The following NDRG1 variants were observed in gnomAD, a reference collection of about 807,000 sequenced individuals.
The protein encoded by NDRG1 is protein NDRG1.
Under a neutral mutation model 56.9 loss-of-function variants are expected in NDRG1, and 32 were observed. The observed-to-expected ratio is 0.56, with a 90% CI of 0.42 to 0.76. The LOEUF is 0.76. NDRG1 is among the 30% of genes least tolerant of loss of function. The pLI is 0.00. For missense variants in NDRG1, 507 were observed against 545.7 expected, an observed-to-expected ratio of 0.93 and a Z score of 0.71; for synonymous variants, 211 against 204.1, an observed-to-expected ratio of 1.03 and a Z score of -0.29.
chr8:133,244,652 T>G, intron 13 of NDRG1: 7 of 573,918 alleles, frequency 1.2e-5, no homozygotes, highest in East Asian at 3.0e-5. Context: ...TTTCACTCCA[T>G]TCCCCAAGAA....
Position 133,238,884 on chromosome 8 carries a change from G to A in NDRG1, c.1179C>T (p.Ser393=), listed in dbSNP as rs1429388363. 6.4e-7 allele frequency: 1 copy of A among 1,554,576 alleles called. No individual in the cohort carries two copies. Among genetic ancestry groups the A allele is most frequent in the Non-Finnish European group, 8.7e-7 (1 of 1,150,276 alleles). ...CGGCAGCTGGGCAGGCCGCCTAGCA[G>A]GAGACCTCCATGGACTTGGGCCCGG... ...NSAGPKSMEV[S]C is the part of the protein sequence containing the mutation. Residue 393 remains serine, a synonymous_variant, in exon 16 of 16, where the codon TCC becomes TCT. Coordinates refer to ENST00000323851, the MANE Select transcript of NDRG1 (RefSeq NM_006096.4).
chr8:133,287,172 T>TA (rs1387409746), intron 1 of NDRG1, among the ~76,000 whole-genome samples: 2 of 152,194 alleles, frequency 1.3e-5, no homozygotes, highest in Non-Finnish European at 2.9e-5. Flanking sequence ...ATAAAAATGT[T>TA]AAAAAATAAA....
In NDRG1 at chr8:133,266,846, G is replaced by A. The variant is rs142329281; in HGVS notation, c.100-2194C>T. Among the ~76,000 whole-genome samples, 482 of 152,338 alleles carry A rather than the reference G, an allele frequency of 3.2e-3. 3 individuals carry two copies. The highest frequency in any genetic ancestry group is 0.01 in the Middle Eastern group (3 of 294). ...AGTTCCTCTGGGTCCTCTGAGAAAG[G>A]AGAAAGAGGATTTAACCCACTGGGG... On this transcript the variant is annotated intron_variant, in intron 3 of 15. Coordinates refer to ENST00000323851, the MANE Select transcript of NDRG1 (RefSeq NM_006096.4).
chr8:133,262,724 T>G (rs1856721018), intron 4 of NDRG1, among the ~76,000 whole-genome samples: 1 of 152,214 alleles, frequency 6.6e-6, no homozygotes, highest in Non-Finnish European at 1.5e-5. Context: ...CTAGACGGTA[T>G]ATCCCAAGCT....
At position 133,275,442 on chromosome 8, in the gene NDRG1, T is replaced by C. The variant is rs569311707; in HGVS notation, c.99+4790A>G. On this transcript the variant is annotated intron_variant, in intron 3 of 15. Coordinates refer to ENST00000323851, the MANE Select transcript of NDRG1 (RefSeq NM_006096.4). ...GCCCTTGGAAATTTCAGAATTCAGATCAGAAAGGCCTTTGCTTGTGCTGTT... is the reference window on the plus strand; with the variant it reads ...GCCCTTGGAAATTTCAGAATTCAGACCAGAAAGGCCTTTGCTTGTGCTGTT... Among the ~76,000 whole-genome samples the C allele has an allele frequency of 4.6e-5, 7 of 152,246 alleles. No individual in the cohort carries two copies. The South Asian group carries it at 8.3e-4, about 18-fold the overall frequency.
chr8:133,283,794 C>T (rs1485726558), intron 2 of NDRG1, among the ~76,000 whole-genome samples: 3 of 152,212 alleles, frequency 2.0e-5, no homozygotes, highest in Non-Finnish European at 4.4e-5. Flanking sequence ...CCAGACAGTG[C>T]GGCCCCAGAG....
intron 1 of NDRG1, among the ~76,000 whole-genome samples, chr8:133,287,568 A>G (rs888803704): frequency 2.0e-5 from 3 of 152,186 alleles, no homozygotes; most frequent in Admixed American, 6.5e-5. Context: ...GGCTGTGTCC[A>G]CTGTCTGTCT....
chr8:133,257,309 A>ACG (rs746922021), intron 7 of NDRG1, among the ~76,000 whole-genome samples: 1 of 122,284 alleles, frequency 8.2e-6, no homozygotes, highest in Non-Finnish European at 1.8e-5. Flanking sequence ...ACACACACAC[A>ACG]CACACACAGA....
chr8:133,286,161 G>A (rs1306673895), intron 1 of NDRG1, among the ~76,000 whole-genome samples: 2 of 152,220 alleles, frequency 1.3e-5, no homozygotes, highest in Admixed American at 6.5e-5. Context: ...CCCAGCACGA[G>A]AGACTCTCCT....
chr8:133,239,157 A>G (rs985198094), intron 15 of NDRG1, 38 bp from the exon 16 acceptor site: 1 of 1,549,538 alleles, frequency 6.5e-7, no homozygotes, highest in Non-Finnish European at 8.7e-7. Context: ...AGGGCAGGAG[A>G]CTGCCAGGTG....
At chr8:133,264,707 TG>T (rs1856830934) in intron 3 of NDRG1, 55 bp from the exon 4 acceptor site, 2 of 1,473,646 alleles carry the variant, frequency 1.4e-6, no homozygotes, top group East Asian at 4.5e-5. Flanking sequence ...GGCATCCGCG[TG>T]GCTGAAGACA....
chr8:133,256,530 G>C (rs936695073), intron 8 of NDRG1, among the ~76,000 whole-genome samples: 1 of 152,154 alleles, frequency 6.6e-6, no homozygotes, highest in Non-Finnish European at 1.5e-5. Context: ...CTGCCTCAGG[G>C]ACCTGTGTCC....
chr8:133,296,900 G>A (rs74525968), intron 1 of NDRG1: 191 of 204,118 alleles, frequency 9.4e-4, no homozygotes, highest in Admixed American at 1.5e-3. Context: ...GGAGATGAAT[G>A]GGACCCTGTC....
chr8:133,289,689 C>G (rs1046442512), intron 1 of NDRG1, among the ~76,000 whole-genome samples: 3 of 152,184 alleles, frequency 2.0e-5, no homozygotes, highest in African/African-American at 7.2e-5. Flanking sequence ...ACCCTGGGAC[C>G]TGGGAGGGCA....
chr8:133,282,123 T>C (rs1007512545), intron 2 of NDRG1, among the ~76,000 whole-genome samples: 1 of 152,230 alleles, frequency 6.6e-6, no homozygotes, highest in South Asian at 2.1e-4. Flanking sequence ...ATGGGCAAGC[T>C]CTTAGACATG....
intron 8 of NDRG1, 146 bp from the exon 9 acceptor site, chr8:133,254,741 A>T: frequency 5.1e-6 from 4 of 778,832 alleles, no homozygotes; most frequent in Non-Finnish European, 6.7e-6. Flanking sequence ...CTTGATAGAA[A>T]CTCAGTTCCT....
chr8:133,245,460 G>A (rs1481819699), intron 13 of NDRG1, among the ~76,000 whole-genome samples: 5 of 152,120 alleles, frequency 3.3e-5, no homozygotes, highest in African/African-American at 1.2e-4. Flanking sequence ...TAAAGCTAAC[G>A]GCTGATGTTA....
At chr8:133,250,908 T>TAAA (rs75259677) in intron 9 of NDRG1, among the ~76,000 whole-genome samples, 8 of 124,858 alleles carry the variant, frequency 6.4e-5, no homozygotes, top group African/African-American at 2.1e-4. Flanking sequence ...TCAGATCTCT[T>TAAA]AAAAAAAAAA....
chr8:133,283,044 A>G (rs1857902558), intron 2 of NDRG1, among the ~76,000 whole-genome samples: 1 of 152,250 alleles, frequency 6.6e-6, no homozygotes, highest in Non-Finnish European at 1.5e-5. Flanking sequence ...CCTAAAACAG[A>G]GCAGCCACAT....
Sources: allele counts gnomAD v4.1 joint callset (sites outside exome capture counted in the v4.1 genomes callset), GRCh38; gene constraint gnomAD v4.1.1; transcripts MANE v1.5; gene names NCBI Gene and HGNC (gene_info 2026-07-23, HGNC 2026-07-21).